The following WASHC3 variants were observed in gnomAD, a reference collection of about 807,000 sequenced individuals.
WASHC3 encodes WASH complex subunit CCDC53.
In WASHC3, 24 loss-of-function variants were observed where a neutral mutation model predicts 26.1. The ratio of observed to expected loss-of-function variants is 0.92; its 90% confidence interval spans 0.66 to 1.29. The LOEUF is 1.29. Among genes scored for constraint, WASHC3 ranks in the 50% most tolerant of loss-of-function variants. WASHC3 has a pLI of 0.00. For missense variants in WASHC3, 214 were observed against 229.6 expected, an observed-to-expected ratio of 0.93 and a Z score of 0.44; for synonymous variants, 77 against 75.7, an observed-to-expected ratio of 1.02 and a Z score of -0.09.
At chr12:102,050,632 G>T (rs1246636524) in intron 2 of WASHC3, 1 of 447,396 alleles carries the variant, frequency 2.2e-6, no homozygotes, top group Admixed American at 2.4e-5. Context: ...GATACAGCAA[G>T]ACCCCGTCTC....
At chr12:102,035,341 C>T (rs1420039607) in intron 5 of WASHC3, among the ~76,000 whole-genome samples, 1 of 152,128 alleles carries the variant, frequency 6.6e-6, no homozygotes, top group Admixed American at 6.5e-5. Context: ...GACAGGAATT[C>T]TGGTAGTGAT....
chr12:102,019,109 T>C (rs1437679732), intron 6 of WASHC3, among the ~76,000 whole-genome samples: 1 of 152,136 alleles, frequency 6.6e-6, no homozygotes. Context: ...CCCTCATTCA[T>C]GTTCAAAAAA....
At chr12:102,026,607 G>C (rs1011874477) in intron 5 of WASHC3, among the ~76,000 whole-genome samples, 3 of 152,036 alleles carry the variant, frequency 2.0e-5, no homozygotes, top group Non-Finnish European at 4.4e-5. Context: ...AAGTGTATAC[G>C]TTGCAAAAAT....
chr12:102,017,682 A>G (rs1876767319), intron 6 of WASHC3: 1 of 347,834 alleles, frequency 2.9e-6, no homozygotes. Context: ...GGAACTGCCA[A>G]ACTTTTCCAC....
chr12:102,042,150 C>T (rs11611487), intron 4 of WASHC3, among the ~76,000 whole-genome samples: 63,221 of 151,798 alleles, frequency 0.42, 13,707 homozygotes, highest in African/African-American at 0.53. Flanking sequence ...TCTTTATAGA[C>T]GCTTTATTTT....
chr12:102,058,913 T>C (rs1021230179), intron 2 of WASHC3, among the ~76,000 whole-genome samples: 3 of 152,160 alleles, frequency 2.0e-5, no homozygotes, highest in South Asian at 2.1e-4. Flanking sequence ...ATAAATGAAC[T>C]GGAAGACATT....
chr12:102,053,972 G>C (rs1594371679), intron 2 of WASHC3, among the ~76,000 whole-genome samples: 1 of 152,158 alleles, frequency 6.6e-6, no homozygotes, highest in African/African-American at 2.4e-5. Context: ...TGGAGTAAAA[G>C]TGCAGAGGTT....
intron 6 of WASHC3, among the ~76,000 whole-genome samples, chr12:102,019,555 T>C (rs997455049): frequency 5.9e-5 from 9 of 152,140 alleles, no homozygotes; most frequent in African/African-American, 1.9e-4. Flanking sequence ...CAAAAAAGAT[T>C]ACATCAACAA....
chr12:102,054,299 G>T (rs1334723882), intron 2 of WASHC3, among the ~76,000 whole-genome samples: 40 of 152,138 alleles, frequency 2.6e-4, no homozygotes, highest in Admixed American at 2.6e-3. Flanking sequence ...TGACTGAATA[G>T]ATACAAAAAT....
chr12:102,046,160 A>G (rs1230315962), intron 2 of WASHC3, 41 bp from the exon 3 acceptor site: 1 of 1,142,158 alleles, frequency 8.8e-7, no homozygotes, highest in Non-Finnish European at 1.3e-6. Flanking sequence ...TTTAATTAAA[A>G]TAAACTGTTA....
At chr12:102,052,031 T>TG in intron 2 of WASHC3, among the ~76,000 whole-genome samples, 1 of 152,302 alleles carries the variant, frequency 6.6e-6, no homozygotes, top group South Asian at 2.1e-4. Context: ...AACAGCAAGA[T>TG]GGGGGAATAG....
At chr12:102,023,173 C>T (rs1877026755) in intron 6 of WASHC3, among the ~76,000 whole-genome samples, 1 of 151,902 alleles carries the variant, frequency 6.6e-6, no homozygotes, top group African/African-American at 2.4e-5. Flanking sequence ...AGGAAAATTG[C>T]CAGGATCTCT....
chr12:102,025,384 C>G (rs1877131769), intron 6 of WASHC3, among the ~76,000 whole-genome samples: 1 of 151,616 alleles, frequency 6.6e-6, no homozygotes, highest in Non-Finnish European at 1.5e-5. Flanking sequence ...TTTATCATTT[C>G]TCAAAAATAT....
At chr12:102,029,583 A>G (rs775369772) in intron 5 of WASHC3, among the ~76,000 whole-genome samples, 1 of 152,208 alleles carries the variant, frequency 6.6e-6, no homozygotes, top group African/African-American at 2.4e-5. Flanking sequence ...ATCCTTTTAT[A>G]AACCATGTTG....
chr12:102,020,374 G>A (rs941743208), intron 6 of WASHC3, among the ~76,000 whole-genome samples: 10 of 152,134 alleles, frequency 6.6e-5, no homozygotes, highest in Non-Finnish European at 1.3e-4. Flanking sequence ...TTTCAGCTAT[G>A]AGAGTCCATA....
intron 2 of WASHC3, chr12:102,059,894 G>T (rs1878735762): frequency 6.6e-6 from 1 of 152,128 alleles, no homozygotes; most frequent in Non-Finnish European, 1.5e-5. Flanking sequence ...AAATAAAACT[G>T]ACTGGAAGCA....
chr12:102,050,084 G>A (rs979662139), intron 2 of WASHC3: 7 of 215,950 alleles, frequency 3.2e-5, no homozygotes, highest in Admixed American at 1.7e-4. Flanking sequence ...TTGGGAGGCC[G>A]AAGCAGGCAG....
At chr12:102,050,930 G>A (rs980903685) in intron 2 of WASHC3, among the ~76,000 whole-genome samples, 2 of 152,358 alleles carry the variant, frequency 1.3e-5, no homozygotes, top group South Asian at 4.1e-4. Context: ...CCTCTGTAAT[G>A]TGGGTCTGAT....
At chr12:102,050,224 G>A (rs1220516800) in intron 2 of WASHC3, 1 of 438,098 alleles carries the variant, frequency 2.3e-6, no homozygotes. Context: ...TGAGGCAGGA[G>A]GTCTAGGCTG....
Sources: gnomAD v4.1 joint callset for allele counts (sites outside exome capture counted in the v4.1 genomes callset) on GRCh38, gnomAD v4.1.1 for gene constraint, MANE v1.5 for transcripts, NCBI Gene and HGNC (gene_info 2026-07-23, HGNC 2026-07-21) for gene names.